The following MAD1L1 variants were observed in gnomAD, a reference collection of about 807,000 sequenced individuals.
MAD1L1 encodes mitotic arrest deficient 1 like 1.
In MAD1L1, 95 loss-of-function variants were observed where a neutral mutation model predicts 96.9. That is an observed-to-expected ratio of 0.98 (90% CI 0.83 to 1.16). MAD1L1 has a LOEUF of 1.16. Ranked by LOEUF, MAD1L1 falls within the 50% of genes most tolerant of loss-of-function variation. MAD1L1 has a pLI of 0.00. For synonymous variants in MAD1L1, 473 were observed against 396.6 expected (o/e 1.19, Z -2.29); for missense variants, 1,007 against 954.4 (o/e 1.06, Z -0.73).
At chr7:2,197,651 G>A (rs191420426) in intron 10 of MAD1L1, among the ~76,000 whole-genome samples, 12 of 152,240 alleles carry the variant, frequency 7.9e-5, no homozygotes, top group African/African-American at 2.4e-4. Context: ...ACCTGCAAAC[G>A]CCAAAATCCC....
chr7:2,067,164 C>T (rs564265192), intron 12 of MAD1L1, among the ~76,000 whole-genome samples: 18 of 152,110 alleles, frequency 1.2e-4, no homozygotes, highest in African/African-American at 4.1e-4. Flanking sequence ...ACAGCACGTT[C>T]GCAGGCACCC....
At chr7:2,101,155 G>A (rs1274477864) in intron 11 of MAD1L1, among the ~76,000 whole-genome samples, 3 of 152,206 alleles carry the variant, frequency 2.0e-5, no homozygotes, top group Non-Finnish European at 2.9e-5. Context: ...TGTCACAAGG[G>A]ACTGGAAAAA....
chr7:2,183,857 C>A (rs1237173137), intron 10 of MAD1L1, among the ~76,000 whole-genome samples: 1 of 151,856 alleles, frequency 6.6e-6, no homozygotes, highest in Admixed American at 6.6e-5. Context: ...ACATATGTAA[C>A]AAACCTGCAC....
intron 10 of MAD1L1, among the ~76,000 whole-genome samples, chr7:2,195,699 T>C (rs1429824620): frequency 1.3e-5 from 2 of 152,246 alleles, no homozygotes; most frequent in Non-Finnish European, 2.9e-5. Flanking sequence ...CCTCAGAAGT[T>C]AAACGCTTCC....
chr7:1,858,188 C>T (rs1784350938), intron 18 of MAD1L1, among the ~76,000 whole-genome samples: 1 of 152,208 alleles, frequency 6.6e-6, no homozygotes, highest in Non-Finnish European at 1.5e-5. Flanking sequence ...ATCACTGGCG[C>T]GCCCGTCGGT....
chr7:1,996,561 G>A (rs895059586), intron 14 of MAD1L1, among the ~76,000 whole-genome samples: 42 of 152,184 alleles, frequency 2.8e-4, no homozygotes, highest in Non-Finnish European at 5.6e-4. Context: ...AGCACCTGCC[G>A]CTAGGCCCGA....
intron 12 of MAD1L1, among the ~76,000 whole-genome samples, chr7:2,038,139 C>G (rs1309428388): frequency 6.6e-6 from 1 of 152,196 alleles, no homozygotes; most frequent in African/African-American, 2.4e-5. Context: ...CCCCAACATT[C>G]CCTTAAGTCA....
intron 11 of MAD1L1, among the ~76,000 whole-genome samples, chr7:2,102,806 C>T (rs1786883807): frequency 6.6e-6 from 1 of 151,900 alleles, no homozygotes. Context: ...CCGTCTCCAC[C>T]GTCACCAGCA....
At chr7:2,080,029 G>A (rs1188608167) in intron 11 of MAD1L1, 3 of 295,478 alleles carry the variant, frequency 1.0e-5, no homozygotes, top group Non-Finnish European at 2.0e-5. Flanking sequence ...CCCTGTCAGC[G>A]CTGGCTGCCT....
chr7:1,845,102 C>T (rs984030972), intron 18 of MAD1L1, among the ~76,000 whole-genome samples: 3 of 152,314 alleles, frequency 2.0e-5, no homozygotes, highest in South Asian at 4.1e-4. Flanking sequence ...GAGAGCAGAG[C>T]GAAGGGGTCT....
intron 18 of MAD1L1, among the ~76,000 whole-genome samples, chr7:1,884,133 G>A (rs971169882): frequency 1.3e-5 from 2 of 152,240 alleles, no homozygotes; most frequent in African/African-American, 4.8e-5. Flanking sequence ...TGGCGGCTGG[G>A]CCAGTCTCCA....
intron 12 of MAD1L1, among the ~76,000 whole-genome samples, chr7:2,056,144 C>A (rs1426936060): frequency 6.6e-6 from 1 of 152,228 alleles, no homozygotes; most frequent in African/African-American, 2.4e-5. Flanking sequence ...AACATGATGA[C>A]TGTCTGACAC....
At chr7:2,190,065 T>C (rs983185665) in intron 10 of MAD1L1, among the ~76,000 whole-genome samples, 13 of 152,098 alleles carry the variant, frequency 8.5e-5, no homozygotes, top group African/African-American at 2.9e-4. Flanking sequence ...GAAAGCTAAA[T>C]CTAAAATTTA....
At chr7:2,155,212 C>T (rs1260143812) in intron 10 of MAD1L1, among the ~76,000 whole-genome samples, 3 of 152,212 alleles carry the variant, frequency 2.0e-5, no homozygotes, top group Non-Finnish European at 4.4e-5. Context: ...TGACCTGCCA[C>T]GCTCTTCCAA....
At chr7:2,133,501 G>C (rs1032954817) in intron 11 of MAD1L1, among the ~76,000 whole-genome samples, 1 of 152,184 alleles carries the variant, frequency 6.6e-6, no homozygotes, top group East Asian at 1.9e-4. Flanking sequence ...TCCATTTGGG[G>C]CTTCTCCTTT....
At chr7:2,015,061 C>T (rs1331445420) in intron 12 of MAD1L1, among the ~76,000 whole-genome samples, 1 of 152,234 alleles carries the variant, frequency 6.6e-6, no homozygotes, top group African/African-American at 2.4e-5. Context: ...TGCGTGACTC[C>T]TCTGAGTCCC....
At position 2,086,323 on chromosome 7, in the gene MAD1L1, C is replaced by T. The variant is rs1481326545; in HGVS notation, c.1074-16985G>A. On this transcript the variant is annotated intron_variant, in intron 11 of 18. Coordinates refer to ENST00000265854, the MANE Select transcript of MAD1L1 (RefSeq NM_001013836.2). ...CGCATCACTGAAGCACAGGCACGCC[C>T]TCGCTCACACCACAGCCACAAAACC... is the stretch of plus-strand genomic sequence containing the variant. Among the ~76,000 whole-genome samples the T allele has an allele frequency of 2.6e-5, 4 of 152,248 alleles. No homozygotes were observed. The East Asian group carries it at 7.7e-4, about 29-fold the overall frequency.
intron 18 of MAD1L1, among the ~76,000 whole-genome samples, chr7:1,826,549 G>A (rs1583482126): frequency 1.3e-5 from 2 of 152,146 alleles, no homozygotes; most frequent in East Asian, 3.9e-4. Context: ...CTGTGTGCAC[G>A]ACCCTCAGCT....
At chr7:1,874,449 G>A (rs1379465757) in intron 18 of MAD1L1, 1 of 446,826 alleles carries the variant, frequency 2.2e-6, no homozygotes, top group Non-Finnish European at 4.5e-6. Flanking sequence ...CCGTGGCCAG[G>A]GTGAGGCTCT....
Sources: gnomAD v4.1 joint callset for allele counts (sites outside exome capture counted in the v4.1 genomes callset) on GRCh38, gnomAD v4.1.1 for gene constraint, MANE v1.5 for transcripts, NCBI Gene and HGNC (gene_info 2026-07-23, HGNC 2026-07-21) for gene names.